Variants in TAPBP observed in about 807,000 individuals in gnomAD.
TAPBP encodes tapasin.
In TAPBP, 38 loss-of-function variants were observed where a neutral mutation model predicts 45.7. The observed-to-expected ratio is 0.83, with a 90% CI of 0.64 to 1.09. The LOEUF is 1.09. Ranked by LOEUF, TAPBP falls within the 50% of genes least tolerant of loss-of-function variation. The pLI is 0.00. For synonymous variants in TAPBP, 226 were observed against 254.8 expected (o/e 0.89, Z 1.08); for missense variants, 513 against 587.3 (o/e 0.87, Z 1.31).
chr6:33,311,038 C>T (rs751416928), intron 3 of TAPBP, among the ~76,000 whole-genome samples: 5 of 151,922 alleles, frequency 3.3e-5, no homozygotes, highest in African/African-American at 4.8e-5. Flanking sequence ...CACAGCAGGC[C>T]GGGCGTGGTG....
intron 4 of TAPBP, 129 bp downstream of exon 4, chr6:33,304,860 C>A (rs749628382): frequency 2.3e-5 from 34 of 1,447,084 alleles, no homozygotes; most frequent in Non-Finnish European, 3.1e-5. Flanking sequence ...CCCTCTAACT[C>A]CCAGGAACCT....
intron 3 of TAPBP, among the ~76,000 whole-genome samples, chr6:33,308,734 CA>C (rs1260145516): frequency 2.7e-5 from 4 of 149,892 alleles, no homozygotes; most frequent in Non-Finnish European, 4.4e-5. Flanking sequence ...GATTTTTTCA[CA>C]TTTTTTTTTT....
In TAPBP at chr6:33,313,114, C is replaced by A; in HGVS notation, c.469+103G>T. 7.2e-7 allele frequency: 1 copy of A among 1,389,808 alleles called. No homozygotes were observed. The highest frequency in any genetic ancestry group is 1.4e-5 in the African/African-American group (1 of 69,428). 86.1% of individuals were successfully genotyped at this position (1,389,808 alleles called of 1,614,324 possible). A position where few individuals can be genotyped will look rare whatever the true frequency, so the allele number is the denominator to read the frequency against. On this transcript the variant is annotated intron_variant, in intron 3 of 7. Coordinates refer to ENST00000434618, the MANE Select transcript of TAPBP (RefSeq NM_003190.5). This position sits in a 1 kb window ranked among gnomAD's most constrained non-coding sequence, Gnocchi z 7.2. ...TCTTAACAAAAAAAGGAAACTGAAC[C>A]CCGATTGGCGAAATGTCTTGCTCAA...
chr6:33,309,404 A>C (rs188522218), intron 3 of TAPBP, among the ~76,000 whole-genome samples: 1 of 151,676 alleles, frequency 6.6e-6, no homozygotes, highest in Admixed American at 6.6e-5. Flanking sequence ...AAATCCATAG[A>C]ATTAATAAAC....
intron 3 of TAPBP, among the ~76,000 whole-genome samples, chr6:33,311,408 C>G (rs889272977): frequency 3.3e-5 from 5 of 152,114 alleles, no homozygotes; most frequent in African/African-American, 1.2e-4. Context: ...GTGGGAGGAT[C>G]ACCTGAAGTT....
Position 33,312,315 on chromosome 6 carries a change from C to T in TAPBP, c.469+902G>A, listed in dbSNP as rs375443765. Among the ~76,000 whole-genome samples, 12 of 152,190 alleles carry T rather than the reference C, an allele frequency of 7.9e-5. No individual in the cohort carries two copies. In the East Asian group the frequency reaches 2.3e-3, roughly 29 times the overall value. On this transcript the variant is annotated intron_variant, in intron 3 of 7. Coordinates refer to ENST00000434618, the MANE Select transcript of TAPBP (RefSeq NM_003190.5). ...TGTCTCCCTGGTTCTGTGGGTAATT[C>T]TCAGGAGGGTGGAGGGAAGGGAGGG...
rs200497341 is a variant in TAPBP, at chr6:33,305,266, C to T, written c.591G>A (p.Pro197=). The stretch of plus-strand genomic sequence containing the variant: ...ACTCTAGCCCAAAGGGAGGGGGACC[C>T]GGAGCCAGAGATGAGGCGGCCTCGG... ...PTSEAASSLA[P]GPPPFGLEWR... Residue 197 remains proline (P), a synonymous_variant, in exon 4 of 8, where the codon CCG becomes CCA. Transcript: ENST00000434618. This position sits in a 1 kb window ranked among gnomAD's most constrained non-coding sequence, Gnocchi z 4.4. 116 of 1,601,148 alleles carry T rather than the reference C, an allele frequency of 7.2e-5. 2 individuals are homozygous for T. The Middle Eastern group carries it at 1.3e-3, about 18-fold the overall frequency.
Position 33,304,235 on chromosome 6 carries a change from TGA to T in TAPBP, c.1211-20_1211-19del. The stretch of plus-strand genomic sequence containing the variant: ...TGAAAGACCTGGCAGGCAGAAGGGG[TGA>T]GAGTGAGCTCCTGTCTTCCTGGGTG... On this transcript the variant is annotated intron_variant, in intron 5 of 7. Transcript: ENST00000434618. 6.2e-7 allele frequency: 1 copy of T among 1,611,170 alleles called. No homozygotes were observed. Among genetic ancestry groups the T allele is most frequent in the Non-Finnish European group, 8.5e-7 (1 of 1,178,600 alleles).
intron 6 of TAPBP, 53 bp downstream of exon 6, chr6:33,304,075 G>T (rs924449358): frequency 5.6e-6 from 9 of 1,610,870 alleles, no homozygotes; most frequent in Non-Finnish European, 7.6e-6. Flanking sequence ...TTGGGAGTAG[G>T]TGGGGAAAGT....
At chr6:33,301,904 T>C in intron 7 of TAPBP, 133 bp from the exon 8 acceptor site, 1 of 1,286,290 alleles carries the variant, frequency 7.8e-7, no homozygotes, top group Middle Eastern at 2.3e-4. Flanking sequence ...TTTTCTGCCC[T>C]CCAGACACTG....
chr6:33,302,248 C>T (rs1014793393), intron 7 of TAPBP, among the ~76,000 whole-genome samples: 21 of 150,836 alleles, frequency 1.4e-4, no homozygotes, highest in Admixed American at 8.6e-4. Context: ...CAGATTCAAG[C>T]GATCCTTCTG....
At chr6:33,309,320 G>C (rs1414042430) in intron 3 of TAPBP, among the ~76,000 whole-genome samples, 1 of 152,040 alleles carries the variant, frequency 6.6e-6, no homozygotes, top group Non-Finnish European at 1.5e-5. Flanking sequence ...GGGAGGCGGA[G>C]GTTGTGGTGA....
Position 33,314,022 on chromosome 6 carries a change from A to G in TAPBP, c.20T>C (p.Leu7Pro). 6.2e-7 allele frequency: 1 copy of G among 1,613,894 alleles called. No homozygotes were observed. Among genetic ancestry groups the G allele is most frequent in the Non-Finnish European group, 8.5e-7 (1 of 1,180,010 alleles). MKSLSLLLAVALGLATA... is the reference protein window; with the variant it reads MKSLSLPLAVALGLATA... ...TCGCTCACCCAAAGCCACAGCGAGG[A>G]GCAGAGACAGGGACTTCATGGCGCT... The change falls in exon 1 of 8, where the codon CTC (leucine) becomes CCC (proline). Residue 7 changes from leucine (L) to proline (P), a missense_variant. Physicochemically the swap from Leu to Pro is moderately conservative, Grantham distance 98. Transcript: ENST00000434618.
At position 33,305,483 on chromosome 6, in the gene TAPBP, C is replaced by CT; in HGVS notation, c.470-97dup. ...AATGCAGTTATTGGGGAGGGCTAAA[C>CT]TGCAGTTTACCCACCCCTCAGAGGA... On this transcript the variant is annotated intron_variant, in intron 3 of 7. Coordinates refer to ENST00000434618, the MANE Select transcript of TAPBP (RefSeq NM_003190.5). The surrounding 1 kb of genome is among the most constrained non-coding windows in gnomAD (Gnocchi z 4.4). 7.5e-7 allele frequency: 1 copy of CT among 1,329,024 alleles called. No homozygotes were observed. The allele number at this position is 1,329,024 out of a possible 1,614,324, so 82.3% of individuals were successfully genotyped here. A position where few individuals can be genotyped will look rare whatever the true frequency, so the allele number is the denominator to read the frequency against.
chr6:33,312,972 G>C, intron 3 of TAPBP: 1 of 393,914 alleles, frequency 2.5e-6, no homozygotes, highest in Non-Finnish European at 4.5e-6. Flanking sequence ...CCCCCTGCCC[G>C]GCCCTGCTTT....
In TAPBP at chr6:33,313,169, G is replaced by A. The variant is rs750127482; in HGVS notation, c.469+48C>T. ...ATAAAGCGAGACCACCGGCTGATCTGGACCCTTAGAATCTACCCACCCTTC... is the reference window on the plus strand; with the variant it reads ...ATAAAGCGAGACCACCGGCTGATCTAGACCCTTAGAATCTACCCACCCTTC... On this transcript the variant is annotated intron_variant, in intron 3 of 7. Transcript: ENST00000434618. This position sits in a 1 kb window ranked among gnomAD's most constrained non-coding sequence, Gnocchi z 7.2. The A allele has an allele frequency of 5.8e-6, 9 of 1,565,094 alleles. No homozygotes were observed. In the Admixed American group the frequency reaches 1.3e-4, roughly 22 times the overall value.
At chr6:33,311,575 C>T (rs891308910) in intron 3 of TAPBP, among the ~76,000 whole-genome samples, 4 of 151,630 alleles carry the variant, frequency 2.6e-5, no homozygotes, top group East Asian at 1.9e-4. Context: ...TTCCGGTGAG[C>T]GTGAGATCAC....
intron 6 of TAPBP, 60 bp downstream of exon 6, chr6:33,304,068 G>A (rs1768770139): frequency 6.2e-7 from 1 of 1,610,790 alleles, no homozygotes. Context: ...CAGGCTCTTG[G>A]GAGTAGGTGG....
Position 33,313,049 on chromosome 6 carries a change from A to G in TAPBP, c.469+168T>C. 1.5e-6 allele frequency: 1 copy of G among 662,826 alleles called. No homozygotes were observed. Among genetic ancestry groups the G allele is most frequent in the Non-Finnish European group, 2.4e-6 (1 of 424,188 alleles). The allele number at this position is 662,826 out of a possible 1,614,324, so 41.1% of individuals were successfully genotyped here. ...TTTTTTTAACTGGGTGAGGGCTAGA[A>G]GGAGCGGTAGAGATTGATTCATTCT... On this transcript the variant is annotated intron_variant, in intron 3 of 7. Transcript: ENST00000434618. This position sits in a 1 kb window ranked among gnomAD's most constrained non-coding sequence, Gnocchi z 7.2.
Sources: allele counts gnomAD v4.1 joint callset (sites outside exome capture counted in the v4.1 genomes callset), GRCh38; gene constraint gnomAD v4.1.1; non-coding constraint Gnocchi (gnomAD v3.1); transcripts MANE v1.5; gene names NCBI Gene and HGNC (gene_info 2026-07-23, HGNC 2026-07-21).